DENND6A: variants seen among roughly 807,000 people sequenced by gnomAD.
DENND6A encodes the protein protein DENND6A.
A neutral mutation model predicts 95.5 loss-of-function variants in DENND6A; 43 were observed. That is an observed-to-expected ratio of 0.45 (90% CI 0.35 to 0.58). The LOEUF (loss-of-function observed/expected upper bound fraction) is 0.58. Ranked by LOEUF, DENND6A falls within the 20% of genes least tolerant of loss-of-function variation. The pLI is 0.00. For synonymous variants in DENND6A, 257 were observed against 260.4 expected (o/e 0.99, Z 0.13); for missense variants, 574 against 736.0 (o/e 0.78, Z 2.55).
At chr3:57,644,746 GT>G (rs2071035088) in intron 11 of DENND6A, among the ~76,000 whole-genome samples, 1 of 7,248 alleles carries the variant, frequency 1.4e-4, no homozygotes. Context: ...GAGGGGAGGG[GT>G]GGGGAGGGGA....
chr3:57,661,988 T>C (rs541792524), intron 5 of DENND6A, among the ~76,000 whole-genome samples: 1 of 152,214 alleles, frequency 6.6e-6, no homozygotes, highest in East Asian at 1.9e-4. Flanking sequence ...TGTAACCTTA[T>C]GGTTTGATCA....
At chr3:57,673,213 C>CAAAAAAAAAAAAAAAAAAAAAAA (rs386396751) in intron 1 of DENND6A, among the ~76,000 whole-genome samples, 6 of 70,712 alleles carry the variant, frequency 8.5e-5, no homozygotes, top group East Asian at 4.0e-4. Context: ...CATTTCGTAT[C>CAAAAAAAAAAAAAAAAAAAAAAA]AAAAAAAAAA....
Position 57,672,442 on chromosome 3 carries a change from G to C in DENND6A, c.238-4C>G. On this transcript the variant is annotated splice_polypyrimidine_tract_variant and splice_region_variant and intron_variant, in intron 1 of 19. Transcript: ENST00000311128. ...TGGAATGCTGAGGATAAATTACCTG[G>C]AAGAAAAGAGTTAAATTTTGTTAAA... is the stretch of plus-strand genomic sequence containing the variant. 6.2e-7 allele frequency: 1 copy of C among 1,611,136 alleles called. No homozygotes were observed. Among genetic ancestry groups the C allele is most frequent in the Non-Finnish European group, 8.5e-7 (1 of 1,178,684 alleles).
rs1259284031 is a variant in DENND6A, at chr3:57,670,052, A to G, written c.319+2204T>C. Among the ~76,000 whole-genome samples the G allele has an allele frequency of 2.0e-5, 3 of 152,120 alleles. No homozygotes were observed. The East Asian group carries it at 5.8e-4, about 29-fold the overall frequency. On this transcript the variant is annotated intron_variant, in intron 3 of 19. Coordinates refer to ENST00000311128, the MANE Select transcript of DENND6A (RefSeq NM_152678.3). ...AAAAAAAAAAAGAAAAAAGAAAAAAAAAATCTGTAGGTCATTCATAAGCCA... is the reference window on the plus strand; with the variant it reads ...AAAAAAAAAAAGAAAAAAGAAAAAAGAAATCTGTAGGTCATTCATAAGCCA...
Position 57,663,746 on chromosome 3 carries a change from T to TG in DENND6A, c.433-31dup, listed in dbSNP as rs150409338. On this transcript the variant is annotated intron_variant, in intron 4 of 19. Coordinates refer to ENST00000311128, the MANE Select transcript of DENND6A (RefSeq NM_152678.3). ...GAAGAAAGTGACAAGTAAGTGTGTGTGGGGGGGTACATATATATGTATCTA... is the reference window on the plus strand; with the variant it reads ...GAAGAAAGTGACAAGTAAGTGTGTGTGGGGGGGGTACATATATATGTATCTA... The TG allele has an allele frequency of 7.3e-3, 10,000 of 1,369,264 alleles. 540 individuals carry two copies. The African/African-American group carries it at 0.12, about 17-fold the overall frequency. 84.8% of individuals were successfully genotyped at this position (1,369,264 alleles called of 1,614,324 possible).
intron 15 of DENND6A, among the ~76,000 whole-genome samples, chr3:57,631,932 C>G (rs1437147219): frequency 1.3e-5 from 2 of 149,840 alleles, no homozygotes; most frequent in African/African-American, 4.9e-5. Context: ...CCGTGTTAGC[C>G]AGGATGGTCT....
intron 9 of DENND6A, among the ~76,000 whole-genome samples, chr3:57,654,244 C>T (rs543951881): frequency 3.5e-4 from 53 of 152,062 alleles, no homozygotes; most frequent in African/African-American, 1.2e-3. Context: ...TGTGAGCCAC[C>T]GTGCCCAGCC....
At chr3:57,684,098 G>C (rs1191114339) in intron 1 of DENND6A, among the ~76,000 whole-genome samples, 6 of 135,756 alleles carry the variant, frequency 4.4e-5, no homozygotes, top group Non-Finnish European at 9.1e-5. Context: ...GTTGCAGCGA[G>C]CCAAGATTGT....
chr3:57,673,213 C>CAAAAAAAAAAAAAAAAAAA (rs386396751), intron 1 of DENND6A, among the ~76,000 whole-genome samples: 3 of 70,684 alleles, frequency 4.2e-5, no homozygotes, highest in African/African-American at 7.0e-5. Context: ...CATTTCGTAT[C>CAAAAAAAAAAAAAAAAAAA]AAAAAAAAAA....
rs969371931 is a variant in DENND6A at position 57,666,174 on chromosome 3, C to T, written c.381G>A (p.Ser127=). The T allele has an allele frequency of 2.5e-6, 4 of 1,613,660 alleles. No individual in the cohort carries two copies. The highest frequency in any genetic ancestry group is 1.6e-4 in the Middle Eastern group (1 of 6,082). Residue 127 remains serine, a synonymous_variant, in exon 4 of 20, where the codon TCG becomes TCA. Coordinates refer to ENST00000311128, the MANE Select transcript of DENND6A (RefSeq NM_152678.3). The stretch of plus-strand genomic sequence containing the variant: ...CAAATTGATCCAGGAGACAATGCAG[C>T]GACACCCTCCTCCCAGAAGACTGTC... ...RFRQSSGRRV[S]LHCLLDQFDK... is the part of the protein sequence containing the mutation.
chr3:57,634,860 C>A, intron 12 of DENND6A, 91 bp from the exon 13 acceptor site: 1 of 1,044,960 alleles, frequency 9.6e-7, no homozygotes, highest in Non-Finnish European at 1.3e-6. Context: ...CTGTTTATTA[C>A]TTAAGTATGT....
At chr3:57,671,315 G>C (rs558025327) in intron 3 of DENND6A, among the ~76,000 whole-genome samples, 2 of 152,136 alleles carry the variant, frequency 1.3e-5, no homozygotes, top group Non-Finnish European at 2.9e-5. Context: ...ACGAGGTCAA[G>C]AGATCGAGAC....
intron 1 of DENND6A, among the ~76,000 whole-genome samples, chr3:57,684,957 C>A (rs1372276861): frequency 6.6e-6 from 1 of 152,068 alleles, no homozygotes; most frequent in Non-Finnish European, 1.5e-5. Flanking sequence ...TGGTGGCACA[C>A]ACCTGGAGTG....
intron 3 of DENND6A, among the ~76,000 whole-genome samples, chr3:57,668,976 G>A (rs1310397818): frequency 6.6e-6 from 1 of 152,104 alleles, no homozygotes; most frequent in Non-Finnish European, 1.5e-5. Context: ...TGATTCAAGA[G>A]ATTCTCCTGC....
intron 11 of DENND6A, 38 bp from the exon 12 acceptor site, chr3:57,641,785 G>A (rs2070946610): frequency 6.6e-7 from 1 of 1,520,528 alleles, no homozygotes; most frequent in East Asian, 2.3e-5. Context: ...AAAAAGGTGA[G>A]AAAAAGATGA....
intron 3 of DENND6A, 48 bp downstream of exon 3, chr3:57,672,207 GT>G (rs749175159): frequency 7.3e-6 from 11 of 1,501,280 alleles, no homozygotes; most frequent in East Asian, 4.5e-5. Context: ...AGTATAACCA[GT>G]ATTCTTAGTA....
intron 1 of DENND6A, among the ~76,000 whole-genome samples, chr3:57,684,407 G>A (rs143395861): frequency 1.6e-4 from 25 of 152,278 alleles, no homozygotes; most frequent in African/African-American, 6.0e-4. Context: ...AGGTTGCGGT[G>A]AGCTGAGATC....
intron 11 of DENND6A, among the ~76,000 whole-genome samples, chr3:57,644,230 CG>C (rs2071016482): frequency 6.6e-6 from 1 of 151,528 alleles, no homozygotes; most frequent in South Asian, 2.1e-4. Flanking sequence ...TTAAGGGATT[CG>C]TAGAGAAAAG....
intron 1 of DENND6A, chr3:57,679,478 T>A (rs2153417020): frequency 2.0e-6 from 2 of 985,312 alleles, no homozygotes; most frequent in South Asian, 4.7e-5. Flanking sequence ...AAAGTTCACA[T>A]TTACTCACCT....
Sources: gnomAD v4.1 joint callset for allele counts (sites outside exome capture counted in the v4.1 genomes callset) on GRCh38, gnomAD v4.1.1 for gene constraint, MANE v1.5 for transcripts, NCBI Gene and HGNC (gene_info 2026-07-23, HGNC 2026-07-21) for gene names.